The following RAPGEF2 variants were observed in gnomAD, a reference collection of about 807,000 sequenced individuals.
RAPGEF2 encodes PDZ domain containing guanine nucleotide exchange factor (GEF) 1.
Under a neutral mutation model 186.7 loss-of-function variants are expected in RAPGEF2, and 54 were observed. The observed-to-expected ratio is 0.29, with a 90% CI of 0.23 to 0.36. The LOEUF (loss-of-function observed/expected upper bound fraction) is 0.36. Among genes scored for constraint, RAPGEF2 ranks in the 10% least tolerant of loss-of-function variants. The pLI, the probability that RAPGEF2 is intolerant of heterozygous loss-of-function variation, is 1.00. For missense variants in RAPGEF2, 1,532 were observed against 2,045.0 expected (o/e 0.75, Z 4.84); for synonymous variants, 712 against 705.9 (o/e 1.01, Z -0.14).
chr4:159,119,140 T>A (rs547495175), intron 1 of RAPGEF2, among the ~76,000 whole-genome samples: 2 of 152,082 alleles, frequency 1.3e-5, no homozygotes, highest in South Asian at 4.2e-4. Context: ...TCCAGGCTTA[T>A]TTTTTTTATA....
At chr4:159,175,288 AAATAAT>A (rs953258682) in intron 1 of RAPGEF2, among the ~76,000 whole-genome samples, 6 of 141,212 alleles carry the variant, frequency 4.2e-5, no homozygotes, top group African/African-American at 1.5e-4. Flanking sequence ...TGTAACTCTA[AAATAAT>A]AATTTTTTTT....
intron 7 of RAPGEF2, among the ~76,000 whole-genome samples, chr4:159,301,088 TA>T (rs1306016055): frequency 3.3e-5 from 5 of 152,168 alleles, no homozygotes; most frequent in Admixed American, 3.3e-4. Flanking sequence ...AATTTAATAA[TA>T]ATGCCAGATG....
intron 1 of RAPGEF2, among the ~76,000 whole-genome samples, chr4:159,118,195 T>TA (rs1321623845): frequency 6.6e-6 from 1 of 152,216 alleles, no homozygotes; most frequent in Non-Finnish European, 1.5e-5. Flanking sequence ...TCACTGGCGT[T>TA]ACTGCCTGAG....
chr4:159,169,415 T>A (rs1229307364), intron 1 of RAPGEF2, among the ~76,000 whole-genome samples: 1 of 152,252 alleles, frequency 6.6e-6, no homozygotes, highest in Non-Finnish European at 1.5e-5. Context: ...CCAATTAACA[T>A]ACATATTACC....
intron 7 of RAPGEF2, among the ~76,000 whole-genome samples, chr4:159,245,064 A>G (rs1465555552): frequency 6.6e-6 from 1 of 152,020 alleles, no homozygotes; most frequent in Non-Finnish European, 1.5e-5. Flanking sequence ...TTTAGCATAA[A>G]TTACCAGTCT....
intron 7 of RAPGEF2, among the ~76,000 whole-genome samples, chr4:159,271,617 T>C (rs1758145337): frequency 6.6e-6 from 1 of 152,202 alleles, no homozygotes; most frequent in Non-Finnish European, 1.5e-5. Flanking sequence ...GTTTGTCTGA[T>C]TTTATAGCCA....
At chr4:159,198,249 TTTCTTTCTTTCTCTTTCTTTCC>T (rs1222532638) in intron 3 of RAPGEF2, among the ~76,000 whole-genome samples, 18 of 114,166 alleles carry the variant, frequency 1.6e-4, no homozygotes, top group Admixed American at 3.4e-4. Flanking sequence ...TCTTTCTTCC[TTTCTTTCTTTCTCTTTCTTTCC>T]TTCTTTCTTT....
rs929677203 is a variant in RAPGEF2, at chr4:159,274,597, T to G, written c.544-29745T>G. 7.9e-5 allele frequency among the ~76,000 whole-genome samples: 12 copies of G among 152,338 alleles called. 1 individual carries two copies. The highest frequency in any genetic ancestry group is 2.9e-4 in the African/African-American group (12 of 41,580). On this transcript the variant is annotated intron_variant, in intron 7 of 29. Transcript: ENST00000691494. ...TCCTTGTTCTGAGATCTTTGTTCTC[T>G]CTGACCTACTTTTTCTTCATCCTTA...
chr4:159,163,201 T>G (rs1219867157), intron 1 of RAPGEF2, among the ~76,000 whole-genome samples: 1 of 152,224 alleles, frequency 6.6e-6, no homozygotes, highest in African/African-American at 2.4e-5. Context: ...GTTTTTCTTA[T>G]TCCAATAATT....
At chr4:159,274,544 A>G (rs1758587003) in intron 7 of RAPGEF2, among the ~76,000 whole-genome samples, 1 of 152,208 alleles carries the variant, frequency 6.6e-6, no homozygotes, top group East Asian at 1.9e-4. Flanking sequence ...AAGTTTGTAA[A>G]TGTGTCCTTA....
intron 7 of RAPGEF2, among the ~76,000 whole-genome samples, chr4:159,284,771 C>T (rs1165629074): frequency 1.3e-5 from 2 of 152,186 alleles, no homozygotes; most frequent in Non-Finnish European, 2.9e-5. Flanking sequence ...TACTCTTCTA[C>T]CTGGGTGCGG....
At chr4:159,107,591 C>T (rs771832199) in intron 1 of RAPGEF2, among the ~76,000 whole-genome samples, 1 of 152,130 alleles carries the variant, frequency 6.6e-6, no homozygotes, top group Non-Finnish European at 1.5e-5. Context: ...CCCACCCCAT[C>T]TCCTCCTATT....
At chr4:159,276,791 T>G (rs1758938317) in intron 7 of RAPGEF2, among the ~76,000 whole-genome samples, 1 of 152,168 alleles carries the variant, frequency 6.6e-6, no homozygotes, top group Non-Finnish European at 1.5e-5. Flanking sequence ...AATTAAAGCA[T>G]GTCTGTTGAA....
At chr4:159,349,529 A>G (rs1006886882) in intron 25 of RAPGEF2, among the ~76,000 whole-genome samples, 1 of 152,120 alleles carries the variant, frequency 6.6e-6, no homozygotes, top group Non-Finnish European at 1.5e-5. Context: ...CCTTCCTCCA[A>G]GGTTTTGTGA....
chr4:159,146,665 A>G (rs1306426243), intron 1 of RAPGEF2, among the ~76,000 whole-genome samples: 1 of 152,224 alleles, frequency 6.6e-6, no homozygotes, highest in Non-Finnish European at 1.5e-5. Flanking sequence ...TTGTTCAAGG[A>G]GGAAGAACTG....
chr4:159,351,256 C>T, intron 26 of RAPGEF2: 2 of 1,417,960 alleles, frequency 1.4e-6, no homozygotes, highest in Non-Finnish European at 1.9e-6. Context: ...TGGGAGAATT[C>T]CTCCAAATGT....
At chr4:159,216,759 AC>A (rs1751027305) in intron 4 of RAPGEF2, among the ~76,000 whole-genome samples, 1 of 152,226 alleles carries the variant, frequency 6.6e-6, no homozygotes. Flanking sequence ...TATTTGCACC[AC>A]GTTGACTGTG....
At position 159,176,794 on chromosome 4, in the gene RAPGEF2, A is replaced by G. The variant is rs868711994; in HGVS notation, c.70-9848A>G. ...GAGTGAAGTGTAAATATTATAAGGA[A>G]TGTTTTAAAGGTAGAAAGTCTGTAG... On this transcript the variant is annotated intron_variant, in intron 1 of 29. Transcript: ENST00000691494. 1.3e-4 allele frequency among the ~76,000 whole-genome samples: 20 copies of G among 152,330 alleles called. No homozygotes were observed. The Middle Eastern group carries it at 0.01, about 78-fold the overall frequency.
intron 2 of RAPGEF2, among the ~76,000 whole-genome samples, chr4:159,192,036 A>C (rs1464990072): frequency 6.6e-6 from 1 of 152,096 alleles, no homozygotes. Context: ...CGAGGCAAGA[A>C]CCCTTCTATT....
Sources: gnomAD v4.1 joint callset for allele counts (sites outside exome capture counted in the v4.1 genomes callset) on GRCh38, gnomAD v4.1.1 for gene constraint, MANE v1.5 for transcripts, NCBI Gene and HGNC (gene_info 2026-07-23, HGNC 2026-07-21) for gene names.